Variants in CALN1 observed in about 807,000 individuals in gnomAD.
CALN1 encodes the protein calneuron 1.
Under a neutral mutation model 30.6 loss-of-function variants are expected in CALN1, and 17 were observed. The observed-to-expected ratio is 0.56, with a 90% confidence interval of 0.38 to 0.83. CALN1 has a LOEUF of 0.83. Ranked by LOEUF, CALN1 falls within the 40% of genes least tolerant of loss-of-function variation. CALN1 has a pLI of 0.00. For synonymous variants in CALN1, 156 were observed against 131.4 expected, an observed-to-expected ratio of 1.19 and a Z score of -1.28; for missense variants, 291 against 354.9, an observed-to-expected ratio of 0.82 and a Z score of 1.45.
intron 2 of CALN1, among the ~76,000 whole-genome samples, chr7:72,348,689 C>T (rs113106818): frequency 2.0e-5 from 3 of 152,266 alleles, no homozygotes; most frequent in African/African-American, 4.8e-5. Flanking sequence ...ACAATACAGC[C>T]CATATGGATT....
At chr7:71,842,079 G>GGA (rs1206158636) in intron 5 of CALN1, among the ~76,000 whole-genome samples, 1 of 152,008 alleles carries the variant, frequency 6.6e-6, no homozygotes, top group Non-Finnish European at 1.5e-5. Context: ...TTACTGATTA[G>GGA]GAGAGAGAGA....
intron 2 of CALN1, among the ~76,000 whole-genome samples, chr7:72,328,156 A>G (rs533703349): frequency 1.3e-5 from 2 of 152,218 alleles, no homozygotes; most frequent in Non-Finnish European, 2.9e-5. Flanking sequence ...AAAATGTCTT[A>G]AGCACAAAAC....
chr7:72,066,713 A>G (rs1403341287), intron 4 of CALN1, among the ~76,000 whole-genome samples: 1 of 152,080 alleles, frequency 6.6e-6, no homozygotes, highest in Non-Finnish European at 1.5e-5. Flanking sequence ...CCTTGGCTCA[A>G]GTAATCCTCC....
At position 71,989,536 on chromosome 7, in the gene CALN1, CGAT is replaced by C. The variant is rs1298991897; in HGVS notation, c.501+34118_501+34120del. Among the ~76,000 whole-genome samples the C allele has an allele frequency of 5.3e-5, 8 of 151,588 alleles. No individual in the cohort carries two copies. The South Asian group carries it at 1.7e-3, about 32-fold the overall frequency. ...CTAATTCAGCCGTGTGTCTGAGAAA[CGAT>C]GTAGAAAGAAACCACCAAGTACACT... On this transcript the variant is annotated intron_variant, in intron 5 of 6. Coordinates refer to ENST00000395275, the MANE Select transcript of CALN1 (RefSeq NM_031468.4).
chr7:72,041,000 T>C (rs1802090256), intron 4 of CALN1, among the ~76,000 whole-genome samples: 1 of 152,198 alleles, frequency 6.6e-6, no homozygotes, highest in African/African-American at 2.4e-5. Context: ...GCAGAGCTGA[T>C]GCCATCTTAG....
intron 5 of CALN1, among the ~76,000 whole-genome samples, chr7:72,001,926 A>G (rs574252453): frequency 3.0e-4 from 45 of 152,320 alleles, no homozygotes; most frequent in Non-Finnish European, 4.0e-4. Context: ...TCAACAAACT[A>G]AAGAAGAAAA....
chr7:71,856,565 T>G (rs1411772397), intron 5 of CALN1, among the ~76,000 whole-genome samples: 1 of 152,204 alleles, frequency 6.6e-6, no homozygotes, highest in African/African-American at 2.4e-5. Context: ...GTAAAACATC[T>G]GGAAAAAATA....
chr7:71,932,512 TTGACTA>T, intron 5 of CALN1, among the ~76,000 whole-genome samples: 1 of 152,150 alleles, frequency 6.6e-6, no homozygotes, highest in Non-Finnish European at 1.5e-5. Flanking sequence ...TGTCTACAAC[TTGACTA>T]TAAGAAGTAT....
chr7:72,487,713 A>AAAAGAAAAG, the CALN1 span, among the ~76,000 whole-genome samples: 250 of 68,594 alleles, frequency 3.6e-3, 2 homozygotes, highest in Non-Finnish European at 5.4e-3. Flanking sequence ...AAAAGAAAAG[A>AAAAGAAAAG]AAAGAAAGAA....
At chr7:72,357,034 C>CA (rs1431466351) in intron 2 of CALN1, among the ~76,000 whole-genome samples, 1 of 151,880 alleles carries the variant, frequency 6.6e-6, no homozygotes, top group East Asian at 1.9e-4. Context: ...GTTAACTGGA[C>CA]ATTTTTTAAA....
chr7:71,788,877 C>G (rs1296581976), intron 6 of CALN1, among the ~76,000 whole-genome samples: 2 of 152,032 alleles, frequency 1.3e-5, no homozygotes, highest in African/African-American at 4.8e-5. Context: ...CCAGGATGAT[C>G]TCGATCTCCT....
intron 5 of CALN1, among the ~76,000 whole-genome samples, chr7:71,862,241 A>G (rs915977986): frequency 6.6e-6 from 1 of 152,198 alleles, no homozygotes; most frequent in South Asian, 2.1e-4. Context: ...TGCTGGAGAC[A>G]CTAGCGTATG....
chr7:72,499,559 CA>C, the CALN1 span, among the ~76,000 whole-genome samples: 1 of 151,276 alleles, frequency 6.6e-6, no homozygotes, highest in Non-Finnish European at 1.5e-5. Context: ...TATTATTTTG[CA>C]AAAAAATCAG....
intron 4 of CALN1, among the ~76,000 whole-genome samples, chr7:72,034,967 A>C (rs987528477): frequency 6.6e-6 from 1 of 152,146 alleles, no homozygotes; most frequent in Non-Finnish European, 1.5e-5. Context: ...ATTTCTCTGC[A>C]TAAGTATTTA....
chr7:72,126,608 T>C (rs899465541), intron 3 of CALN1, among the ~76,000 whole-genome samples: 2 of 151,902 alleles, frequency 1.3e-5, no homozygotes, highest in Admixed American at 6.6e-5. Flanking sequence ...CCTCACCCCT[T>C]TCCCCTACCT....
intron 2 of CALN1, among the ~76,000 whole-genome samples, chr7:72,351,228 A>T (rs1234841012): frequency 2.0e-5 from 3 of 152,110 alleles, no homozygotes. Context: ...ATAGGCCAGG[A>T]ACAGTGGTTC....
At chr7:72,454,701 T>C in the CALN1 span, among the ~76,000 whole-genome samples, 2 of 152,148 alleles carry the variant, frequency 1.3e-5, no homozygotes, top group Admixed American at 1.3e-4. Context: ...CCTACCCCTC[T>C]CCACTCTTCC....
intron 4 of CALN1, among the ~76,000 whole-genome samples, chr7:72,088,732 AGAAG>A (rs1325960842): frequency 5.3e-5 from 8 of 149,820 alleles, no homozygotes; most frequent in Non-Finnish European, 7.4e-5. Context: ...AGAAGAAAGA[AGAAG>A]GAAGGAAGGG....
At chr7:72,350,872 G>A (rs1163020679) in intron 2 of CALN1, among the ~76,000 whole-genome samples, 9 of 152,210 alleles carry the variant, frequency 5.9e-5, no homozygotes, top group African/African-American at 1.9e-4. Context: ...TGGGTGAGGT[G>A]GCTCACGCCT....
Sources: allele counts gnomAD v4.1 joint callset (sites outside exome capture counted in the v4.1 genomes callset), GRCh38; gene constraint gnomAD v4.1.1; transcripts MANE v1.5; gene names NCBI Gene and HGNC (gene_info 2026-07-23, HGNC 2026-07-21).